The following PDE3B variants were observed in gnomAD, a reference collection of about 807,000 sequenced individuals.
PDE3B encodes the protein cGMP-inhibited 3',5'-cyclic phosphodiesterase 3B.
PDE3B carries 66 observed loss-of-function variants against 116.8 expected under a neutral mutation model. The observed-to-expected ratio is 0.56, with a 90% confidence interval of 0.46 to 0.69. The LOEUF is 0.69. Among genes scored for constraint, PDE3B ranks in the 30% least tolerant of loss-of-function variants. The probability of loss-of-function intolerance (pLI) is 0.00; values close to 1 mark genes in which losing one functional copy is unlikely to be tolerated. For synonymous variants in PDE3B, 595 were observed against 533.6 expected (o/e 1.12, Z -1.59); for missense variants, 1,384 against 1,368.1 (o/e 1.01, Z -0.18).
At chr11:14,688,381 C>T (rs568950656) in intron 1 of PDE3B, among the ~76,000 whole-genome samples, 3 of 152,266 alleles carry the variant, frequency 2.0e-5, no homozygotes, top group African/African-American at 7.2e-5. Flanking sequence ...AGCAAATAGA[C>T]ATACGTCAGT....
At chr11:14,648,789 A>G (rs548356274) in intron 1 of PDE3B, among the ~76,000 whole-genome samples, 1 of 152,152 alleles carries the variant, frequency 6.6e-6, no homozygotes, top group East Asian at 1.9e-4. Context: ...TTTATTACTA[A>G]TGGGACACTC....
intron 1 of PDE3B, 21 bp from the exon 2 acceptor site, chr11:14,771,916 C>T: frequency 8.2e-7 from 1 of 1,216,932 alleles, no homozygotes; most frequent in South Asian, 1.9e-5. Flanking sequence ...GGTTTGTAAC[C>T]AAGTGAATTT....
chr11:14,752,106 A>G (rs900968158), intron 1 of PDE3B, among the ~76,000 whole-genome samples: 1 of 152,142 alleles, frequency 6.6e-6, no homozygotes, highest in Non-Finnish European at 1.5e-5. Flanking sequence ...TAAGAAATCT[A>G]CTTTTTTATT....
At chr11:14,697,902 A>G (rs115815423) in intron 1 of PDE3B, among the ~76,000 whole-genome samples, 48 of 152,112 alleles carry the variant, frequency 3.2e-4, no homozygotes, top group African/African-American at 9.9e-4. Flanking sequence ...GTATTAAACA[A>G]CCTTACTAAA....
At position 14,837,588 on chromosome 11, in the gene PDE3B, A is replaced by C. The variant is rs1230029119; in HGVS notation, c.2320+2493A>C. ...TCCTTCTGAGCATTCATTGGCAATG[A>C]CCTTAATGACCATTTTTCTATCTCC... On this transcript the variant is annotated intron_variant, in intron 11 of 15. Coordinates refer to ENST00000282096, the MANE Select transcript of PDE3B (RefSeq NM_000922.4). Among the ~76,000 whole-genome samples the C allele has an allele frequency of 3.3e-5, 5 of 152,314 alleles. No individual in the cohort carries two copies. The East Asian group carries it at 9.6e-4, about 29-fold the overall frequency.
intron 5 of PDE3B, among the ~76,000 whole-genome samples, chr11:14,807,222 A>G (rs1264286536): frequency 3.3e-5 from 5 of 152,222 alleles, no homozygotes; most frequent in Admixed American, 3.3e-4. Flanking sequence ...AAACCTGCAC[A>G]TTGTGCACAT....
chr11:14,837,659 A>G (rs1860095053), intron 11 of PDE3B, among the ~76,000 whole-genome samples: 1 of 152,198 alleles, frequency 6.6e-6, no homozygotes, highest in South Asian at 2.1e-4. Context: ...AAGACAATAT[A>G]TGTTTTCTCT....
rs557325451 is a variant in PDE3B at position 14,663,131 on chromosome 11, A to T, written c.978+18078A>T. The stretch of plus-strand genomic sequence containing the variant: ...TCTCTCAGCAGAAACTCTACAAGCC[A>T]GAAGAGAGTGGGGGCCAATATTCAA... On this transcript the variant is annotated intron_variant, in intron 1 of 15. Transcript: ENST00000282096. Among the ~76,000 whole-genome samples the T allele has an allele frequency of 2.3e-4, 35 of 152,336 alleles. No individual in the cohort carries two copies. The South Asian group carries it at 7.0e-3, about 31-fold the overall frequency.
chr11:14,828,940 G>T (rs1321664445), intron 7 of PDE3B, among the ~76,000 whole-genome samples: 2 of 152,142 alleles, frequency 1.3e-5, no homozygotes, highest in Admixed American at 1.3e-4. Flanking sequence ...ATTGGATAAA[G>T]AAAATATGGT....
chr11:14,667,192 C>G (rs1854187033), intron 1 of PDE3B, among the ~76,000 whole-genome samples: 1 of 151,186 alleles, frequency 6.6e-6, no homozygotes. Context: ...GGACAAAAAA[C>G]CAAACACCAC....
chr11:14,655,542 A>G (rs930024799), intron 1 of PDE3B, among the ~76,000 whole-genome samples: 1 of 152,148 alleles, frequency 6.6e-6, no homozygotes, highest in African/African-American at 2.4e-5. Context: ...ATAAAGATCA[A>G]TAAGATATGG....
At chr11:14,793,260 G>T (rs1315650014) in intron 4 of PDE3B, among the ~76,000 whole-genome samples, 1 of 152,124 alleles carries the variant, frequency 6.6e-6, no homozygotes, top group Non-Finnish European at 1.5e-5. Flanking sequence ...GGGACCAGAA[G>T]TGTTTCAGAT....
At chr11:14,838,615 C>G (rs183373062) in intron 11 of PDE3B, among the ~76,000 whole-genome samples, 49 of 152,282 alleles carry the variant, frequency 3.2e-4, no homozygotes, top group Middle Eastern at 3.4e-3. Flanking sequence ...ACTTCTAAAT[C>G]CAACTCCACT....
At chr11:14,854,736 C>T (rs1555005903) in intron 12 of PDE3B, among the ~76,000 whole-genome samples, 1 of 152,056 alleles carries the variant, frequency 6.6e-6, no homozygotes, top group Non-Finnish European at 1.5e-5. Flanking sequence ...AGGATGGTCT[C>T]GATCTCTTGA....
chr11:14,682,492 G>A (rs1278833090), intron 1 of PDE3B, among the ~76,000 whole-genome samples: 1 of 152,076 alleles, frequency 6.6e-6, no homozygotes, highest in Non-Finnish European at 1.5e-5. Flanking sequence ...ATTATGTTGG[G>A]GAGGTTCCTT....
chr11:14,861,784 T>G (rs897937886), intron 14 of PDE3B, among the ~76,000 whole-genome samples: 23 of 152,162 alleles, frequency 1.5e-4, no homozygotes, highest in African/African-American at 4.6e-4. Flanking sequence ...GGAAGTAAAG[T>G]ACACTTGGAA....
intron 13 of PDE3B, 99 bp from the exon 14 acceptor site, chr11:14,861,106 G>T: frequency 2.3e-6 from 2 of 855,738 alleles, no homozygotes; most frequent in South Asian, 1.7e-5. Context: ...CTGTCATTTA[G>T]ACAGGAAACA....
chr11:14,725,682 T>C (rs1041043807), intron 1 of PDE3B, among the ~76,000 whole-genome samples: 4 of 144,338 alleles, frequency 2.8e-5, no homozygotes, highest in African/African-American at 1.0e-4. Flanking sequence ...CATTAGCAGC[T>C]CCTGACTACT....
chr11:14,652,995 A>G (rs565563310), intron 1 of PDE3B, among the ~76,000 whole-genome samples: 20 of 152,282 alleles, frequency 1.3e-4, no homozygotes, highest in Non-Finnish European at 2.8e-4. Flanking sequence ...TTTCACCTCC[A>G]TGGTTAAGTT....
Sources: gnomAD v4.1 joint callset for allele counts (sites outside exome capture counted in the v4.1 genomes callset) on GRCh38, gnomAD v4.1.1 for gene constraint, MANE v1.5 for transcripts, NCBI Gene and HGNC (gene_info 2026-07-23, HGNC 2026-07-21) for gene names.